TNFSF4: variants seen among roughly 807,000 people sequenced by gnomAD.
TNFSF4 encodes the protein TNF superfamily member 4, also known as tumor necrosis factor ligand superfamily member 4.
Under a neutral mutation model 7.3 loss-of-function variants are expected in TNFSF4, and 4 were observed. That is an observed-to-expected ratio of 0.55 (90% confidence interval 0.27 to 1.25). TNFSF4 has a LOEUF of 1.25. TNFSF4 is among the 50% of genes most tolerant of loss of function. The probability of loss-of-function intolerance (pLI) is 0.12; values close to 1 mark genes in which losing one functional copy is unlikely to be tolerated. For missense variants in TNFSF4, 181 were observed against 208.8 expected, an observed-to-expected ratio of 0.87 and a Z score of 0.82; for synonymous variants, 76 against 83.7, an observed-to-expected ratio of 0.91 and a Z score of 0.50.
At chr1:173,286,616 C>T in the TNFSF4 span, among the ~76,000 whole-genome samples, 1 of 151,840 alleles carries the variant, frequency 6.6e-6, no homozygotes, top group Non-Finnish European at 1.5e-5. Context: ...TAGACCTAAA[C>T]GTGAAAGTTA....
At chr1:173,375,891 C>T in the TNFSF4 span, among the ~76,000 whole-genome samples, 12 of 152,222 alleles carry the variant, frequency 7.9e-5, no homozygotes, top group Non-Finnish European at 1.5e-4. Flanking sequence ...TCTTTAAGAG[C>T]TGTAACACTC....
At chr1:173,352,628 G>C in the TNFSF4 span, among the ~76,000 whole-genome samples, 4 of 152,082 alleles carry the variant, frequency 2.6e-5, no homozygotes, top group African/African-American at 9.7e-5. Context: ...AGAAGGTCAG[G>C]GCGAGATCAC....
At chr1:173,391,733 G>A in the TNFSF4 span, among the ~76,000 whole-genome samples, 1 of 152,118 alleles carries the variant, frequency 6.6e-6, no homozygotes, top group Non-Finnish European at 1.5e-5. Flanking sequence ...TCTAAATGGA[G>A]GTGAGAACAA....
chr1:173,174,035 C>T, the TNFSF4 span, among the ~76,000 whole-genome samples: 2 of 152,170 alleles, frequency 1.3e-5, no homozygotes, highest in Non-Finnish European at 2.9e-5. Flanking sequence ...TTATGCTCTG[C>T]TTCCTCTTGA....
the TNFSF4 span, among the ~76,000 whole-genome samples, chr1:173,215,308 G>A: frequency 6.6e-6 from 1 of 151,960 alleles, no homozygotes; most frequent in Non-Finnish European, 1.5e-5. Context: ...CCACATTATG[G>A]GTGTCTTATG....
chr1:173,282,717 A>G, the TNFSF4 span, among the ~76,000 whole-genome samples: 95,335 of 152,006 alleles, frequency 0.63, 30,356 homozygotes, highest in Middle Eastern at 0.73. Flanking sequence ...TTGGTCTTCC[A>G]AAGTGCTGGG....
chr1:173,359,142 G>A, the TNFSF4 span, among the ~76,000 whole-genome samples: 1 of 152,034 alleles, frequency 6.6e-6, no homozygotes, highest in Non-Finnish European at 1.5e-5. Flanking sequence ...TATGTCATAC[G>A]TAATAATGTA....
the TNFSF4 span, among the ~76,000 whole-genome samples, chr1:173,391,331 T>TCA: frequency 6.9e-6 from 1 of 144,290 alleles, no homozygotes; most frequent in Non-Finnish European, 1.5e-5. Context: ...TCTCTCTCTC[T>TCA]CATGCACACT....
At chr1:173,380,181 T>C in the TNFSF4 span, among the ~76,000 whole-genome samples, 2 of 152,200 alleles carry the variant, frequency 1.3e-5, no homozygotes, top group Non-Finnish European at 2.9e-5. Flanking sequence ...TCAGTTGTAA[T>C]TGGGAGACTT....
the TNFSF4 span, among the ~76,000 whole-genome samples, chr1:173,403,191 G>A: frequency 2.0e-5 from 3 of 152,272 alleles, no homozygotes; most frequent in African/African-American, 7.2e-5. Flanking sequence ...GGTGATAACT[G>A]AGGCTGCTGG....
At chr1:173,364,602 T>A in the TNFSF4 span, among the ~76,000 whole-genome samples, 1 of 152,076 alleles carries the variant, frequency 6.6e-6, no homozygotes, top group Non-Finnish European at 1.5e-5. Flanking sequence ...ACAAAAATAC[T>A]TCTTAAGGGA....
the TNFSF4 span, among the ~76,000 whole-genome samples, chr1:173,324,705 G>T: frequency 1.3e-5 from 2 of 152,084 alleles, no homozygotes; most frequent in African/African-American, 4.8e-5. Flanking sequence ...AAAGACAGGG[G>T]TTGCAATCCT....
intron 1 of TNFSF4, among the ~76,000 whole-genome samples, chr1:173,200,997 A>T (rs1649919729): frequency 6.6e-6 from 1 of 152,244 alleles, no homozygotes; most frequent in Admixed American, 6.5e-5. Flanking sequence ...CTGAAAAAAG[A>T]TTTTAGTTAT....
chr1:173,339,714 G>C, the TNFSF4 span, among the ~76,000 whole-genome samples: 1 of 152,110 alleles, frequency 6.6e-6, no homozygotes, highest in African/African-American at 2.4e-5. Context: ...CATCACACAG[G>C]AATCTTACCT....
the TNFSF4 span, among the ~76,000 whole-genome samples, chr1:173,248,353 C>CA: frequency 3.0e-4 from 37 of 125,020 alleles, no homozygotes; most frequent in East Asian, 9.2e-4. Context: ...GAGACTCTGT[C>CA]AAAAAAAAAC....
chr1:173,341,446 C>G, the TNFSF4 span, among the ~76,000 whole-genome samples: 1 of 152,188 alleles, frequency 6.6e-6, no homozygotes, highest in Non-Finnish European at 1.5e-5. Flanking sequence ...CACAGGCCCC[C>G]TTGCCAGAAT....
At chr1:173,241,735 G>A in the TNFSF4 span, among the ~76,000 whole-genome samples, 16 of 152,246 alleles carry the variant, frequency 1.1e-4, no homozygotes, top group Admixed American at 1.0e-3. Context: ...GAGGCTATGG[G>A]AGGCAGGCTT....
chr1:173,324,610 A>G, the TNFSF4 span, among the ~76,000 whole-genome samples: 1 of 152,374 alleles, frequency 6.6e-6, no homozygotes, highest in Admixed American at 6.5e-5. Context: ...CGCTATATTC[A>G]GGAAACACAT....
chr1:173,359,182 A>G, the TNFSF4 span, among the ~76,000 whole-genome samples: 145,656 of 152,198 alleles, frequency 0.96, 70,023 homozygotes, highest in East Asian at 1. Flanking sequence ...TCTAAACTAT[A>G]AATTCCTTGA....
Sources: gnomAD v4.1 joint callset for allele counts (sites outside exome capture counted in the v4.1 genomes callset) on GRCh38, gnomAD v4.1.1 for gene constraint, MANE v1.5 for transcripts, NCBI Gene and HGNC (gene_info 2026-07-23, HGNC 2026-07-21) for gene names.